The following DSE variants were observed in gnomAD, a reference collection of about 807,000 sequenced individuals.
DSE encodes dermatan-sulfate epimerase.
Under a neutral mutation model 84.4 loss-of-function variants are expected in DSE, and 36 were observed. The observed-to-expected ratio is 0.43, with a 90% CI of 0.33 to 0.56. The LOEUF is 0.56. Ranked by LOEUF, DSE falls within the 20% of genes least tolerant of loss-of-function variation. DSE has a pLI of 0.06. For synonymous variants in DSE, 410 were observed against 430.1 expected (o/e 0.95, Z 0.58); for missense variants, 862 against 1,169.6 (o/e 0.74, Z 3.84).
chr6:116,333,689 T>C (rs1271781838), intron 2 of DSE, among the ~76,000 whole-genome samples: 2 of 152,220 alleles, frequency 1.3e-5, no homozygotes, highest in African/African-American at 4.8e-5. Flanking sequence ...AGCCACCATC[T>C]AAACAAGCTC....
intron 2 of DSE, among the ~76,000 whole-genome samples, chr6:116,350,256 G>A (rs544411347): frequency 6.6e-6 from 1 of 152,174 alleles, no homozygotes; most frequent in Non-Finnish European, 1.5e-5. Context: ...AGATGGTATG[G>A]TTGAGGAAGA....
intron 2 of DSE, among the ~76,000 whole-genome samples, chr6:116,349,491 C>T (rs939618850): frequency 3.3e-5 from 5 of 152,148 alleles, no homozygotes; most frequent in Admixed American, 6.5e-5. Context: ...GTGACTAGCT[C>T]GGGCCTTCTC....
chr6:116,266,803 A>G (rs1772647936), intron 2 of DSE, among the ~76,000 whole-genome samples: 2 of 152,250 alleles, frequency 1.3e-5, no homozygotes, highest in Admixed American at 1.3e-4. Flanking sequence ...ATACTTTTAG[A>G]GCAGATGAAA....
intron 2 of DSE, among the ~76,000 whole-genome samples, chr6:116,294,004 TA>T (rs1774483994): frequency 6.6e-6 from 1 of 152,154 alleles, no homozygotes; most frequent in Non-Finnish European, 1.5e-5. Context: ...TAAATATGTC[TA>T]TTTTTAGAAA....
intron 2 of DSE, among the ~76,000 whole-genome samples, chr6:116,419,544 G>A (rs1390216686): frequency 6.6e-6 from 1 of 152,138 alleles, no homozygotes; most frequent in Non-Finnish European, 1.5e-5. Flanking sequence ...CCTAATTCTG[G>A]CCTATTTTAA....
exon 1 of DSE, chr6:116,254,233 A>G: frequency 1.4e-6 from 1 of 705,686 alleles, no homozygotes. Context: ...TCACAAAAAG[A>G]ATTTCGTCAG....
chr6:116,386,313 G>T (rs1244016923), intron 1 of DSE, among the ~76,000 whole-genome samples: 2 of 152,162 alleles, frequency 1.3e-5, no homozygotes, highest in Non-Finnish European at 2.9e-5. Flanking sequence ...GAAGATAAAG[G>T]GCATATGGAT....
Position 116,424,080 on chromosome 6 carries a change from T to C in DSE, c.417-2494T>C, listed in dbSNP as rs189625436. ...GGGTTTACTGGCTGGTAGCAATTCA[T>C]TGACATCAGCTTTATCATGGGTCGG... On this transcript the variant is annotated intron_variant, in intron 2 of 5. Transcript: ENST00000644252. 5.3e-5 allele frequency among the ~76,000 whole-genome samples: 8 copies of C among 152,342 alleles called. No individual in the cohort carries two copies. In the East Asian group the frequency reaches 1.3e-3, roughly 26 times the overall value.
At chr6:116,276,143 A>G (rs1192539503) in intron 2 of DSE, among the ~76,000 whole-genome samples, 1 of 152,230 alleles carries the variant, frequency 6.6e-6, no homozygotes, top group Non-Finnish European at 1.5e-5. Flanking sequence ...TGGGGAACAG[A>G]AAGACTTTGG....
At chr6:116,265,812 T>G (rs1006320248) in intron 2 of DSE, among the ~76,000 whole-genome samples, 2 of 152,308 alleles carry the variant, frequency 1.3e-5, no homozygotes, top group African/African-American at 4.8e-5. Context: ...ACATCTCCTA[T>G]GTGAGCAAGT....
intron 2 of DSE, among the ~76,000 whole-genome samples, chr6:116,319,445 G>A (rs1003351610): frequency 6.6e-6 from 1 of 152,206 alleles, no homozygotes; most frequent in Non-Finnish European, 1.5e-5. Context: ...GAGGAAATAT[G>A]GTGAATCTAA....
At chr6:116,254,635 AT>A (rs1772067024) in intron 1 of DSE, among the ~76,000 whole-genome samples, 2 of 152,244 alleles carry the variant, frequency 1.3e-5, no homozygotes, top group Admixed American at 1.3e-4. Flanking sequence ...TGTCTTACAG[AT>A]TTTAAAGTTT....
At chr6:116,384,857 A>G (rs1562271079) in intron 1 of DSE, among the ~76,000 whole-genome samples, 1 of 152,208 alleles carries the variant, frequency 6.6e-6, no homozygotes, top group Non-Finnish European at 1.5e-5. Flanking sequence ...CAAGCACACA[A>G]AATAAATAAG....
rs1201275367 is a variant in DSE, at chr6:116,271,808, A to G, written c.-54+12841A>G. The stretch of plus-strand genomic sequence containing the variant: ...ATGAAGTTCTATTTTTTAAATTATC[A>G]ATAATATTTTAAAATCTATTTATTG... On this transcript the variant is annotated intron_variant, in intron 2 of 3. Transcript: ENST00000430252. 4.6e-5 allele frequency among the ~76,000 whole-genome samples: 7 copies of G among 152,228 alleles called. No homozygotes were observed. The East Asian group carries it at 1.3e-3, about 29-fold the overall frequency.
Position 116,439,668 on chromosome 6 carries a change from G to T in DSE, c.*2323G>T, listed in dbSNP as rs1199066577. On this transcript the variant is annotated 3_prime_UTR_variant, in exon 6 of 6. Transcript: ENST00000644252. Reference sequence around the variant, plus strand: ...CCTTGAAACTGAGTAATCAGTTATGGAATCTGTTTCAATGCTGCTCACTAT... The same window carrying T: ...CCTTGAAACTGAGTAATCAGTTATGTAATCTGTTTCAATGCTGCTCACTAT... 6.6e-6 allele frequency: 1 copy of T among 152,140 alleles called. No homozygotes were observed. Among genetic ancestry groups the T allele is most frequent in the Non-Finnish European group, 1.5e-5 (1 of 68,012 alleles). The allele number at this position is 152,140 out of a possible 1,614,324, so 9.4% of individuals were successfully genotyped here.
intron 2 of DSE, chr6:116,279,458 C>G (rs201325694): frequency 9.3e-6 from 15 of 1,613,134 alleles, no homozygotes; most frequent in Non-Finnish European, 1.3e-5. Context: ...CCACCCTGAA[C>G]GCCCTTTTTC....
At chr6:116,295,945 T>A (rs944359775) in intron 2 of DSE, among the ~76,000 whole-genome samples, 3 of 152,222 alleles carry the variant, frequency 2.0e-5, no homozygotes, top group Non-Finnish European at 2.9e-5. Context: ...CATATTGGAA[T>A]TATATTTACA....
At chr6:116,423,456 A>G (rs1783224441) in intron 2 of DSE, among the ~76,000 whole-genome samples, 1 of 152,234 alleles carries the variant, frequency 6.6e-6, no homozygotes. Flanking sequence ...TTTGCAGGAA[A>G]GAACAATGAA....
chr6:116,342,849 C>T (rs778183803), intron 2 of DSE, among the ~76,000 whole-genome samples: 12 of 152,046 alleles, frequency 7.9e-5, no homozygotes, highest in Non-Finnish European at 1.6e-4. Context: ...GGCGGGGCAT[C>T]GCCTTACCTG....
Sources: allele counts gnomAD v4.1 joint callset (sites outside exome capture counted in the v4.1 genomes callset), GRCh38; gene constraint gnomAD v4.1.1; transcripts MANE v1.5; gene names NCBI Gene and HGNC (gene_info 2026-07-23, HGNC 2026-07-21).